The following PGS1 variants were observed in gnomAD, a reference collection of about 807,000 sequenced individuals.
PGS1 encodes phosphatidylglycerophosphate synthase 1.
A neutral mutation model predicts 58.3 loss-of-function variants in PGS1; 44 were observed. That is an observed-to-expected ratio of 0.75 (90% CI 0.59 to 0.97). The LOEUF is 0.97. Ranked by LOEUF, PGS1 falls within the 50% of genes least tolerant of loss-of-function variation. The pLI, the probability that PGS1 is intolerant of heterozygous loss-of-function variation, is 0.00. For synonymous variants in PGS1, 330 were observed against 311.0 expected, an observed-to-expected ratio of 1.06 and a Z score of -0.64; for missense variants, 684 against 731.1, an observed-to-expected ratio of 0.94 and a Z score of 0.74.
intron 7 of PGS1, among the ~76,000 whole-genome samples, chr17:78,407,706 C>G (rs917283224): frequency 6.6e-6 from 1 of 152,264 alleles, no homozygotes; most frequent in East Asian, 1.9e-4. Context: ...GATTCTAGAT[C>G]CTTGCCCCTC....
At chr17:78,419,072 G>C (rs72921261) in intron 8 of PGS1, among the ~76,000 whole-genome samples, 24,623 of 151,782 alleles carry the variant, frequency 0.16, 2,108 homozygotes, top group Middle Eastern at 0.2. Context: ...TGCAGTGGCA[G>C]CATCACAGCT....
At chr17:78,399,669 C>T (rs12450500) in intron 5 of PGS1, 132 bp downstream of exon 5, 492,683 of 814,268 alleles carry the variant, frequency 0.61, 150,198 homozygotes, top group Middle Eastern at 0.69. Flanking sequence ...GCTGTGCACC[C>T]GCGGCACCTC....
At chr17:78,422,684 T>TA (rs1458563719) in intron 9 of PGS1, among the ~76,000 whole-genome samples, 7 of 152,032 alleles carry the variant, frequency 4.6e-5, no homozygotes, top group Admixed American at 2.0e-4. Context: ...TTTTGATTGA[T>TA]AGAGATGGTT....
At chr17:78,404,633 G>T (rs1300339996) in intron 7 of PGS1, among the ~76,000 whole-genome samples, 4 of 152,070 alleles carry the variant, frequency 2.6e-5, no homozygotes, top group Admixed American at 2.6e-4. Flanking sequence ...AAGATGTGGT[G>T]ACATAACCTC....
intron 7 of PGS1, among the ~76,000 whole-genome samples, chr17:78,410,097 C>T (rs996535305): frequency 4.8e-5 from 7 of 145,360 alleles, no homozygotes; most frequent in South Asian, 2.3e-4. Context: ...GGTGAGACTC[C>T]GTCTCAAAAA....
chr17:78,391,033 C>T (rs2082787010), intron 1 of PGS1, among the ~76,000 whole-genome samples: 1 of 152,048 alleles, frequency 6.6e-6, no homozygotes, highest in Admixed American at 6.5e-5. Context: ...CTCCGCCTCC[C>T]AGGTTTAAGC....
At chr17:78,420,609 ATC>A (rs1234044989) in intron 9 of PGS1, 1 of 152,236 alleles carries the variant, frequency 6.6e-6, no homozygotes, top group Non-Finnish European at 1.5e-5. Context: ...TAGTGCCGGC[ATC>A]TCATGTGTGC....
intron 1 of PGS1, among the ~76,000 whole-genome samples, chr17:78,390,443 C>T (rs751728769): frequency 6.6e-6 from 1 of 152,166 alleles, no homozygotes; most frequent in Non-Finnish European, 1.5e-5. Context: ...GGCAGTGAAT[C>T]GGCAGTGACA....
chr17:78,423,706 C>T, intron 9 of PGS1: 1 of 636,668 alleles, frequency 1.6e-6, no homozygotes, highest in South Asian at 2.0e-5. Flanking sequence ...CTGAGTGGCT[C>T]CACTGGCTTT....
In PGS1 at chr17:78,395,703, C is replaced by T. The variant is rs554512097; in HGVS notation, c.334-605C>T. On this transcript the variant is annotated intron_variant, in intron 2 of 9. Coordinates refer to ENST00000262764, the MANE Select transcript of PGS1 (RefSeq NM_024419.5). ...ATCTATGTTTCAAGAGTGATTCGTG[C>T]CCAGTATGGACATTGGAAACTGCAG... is the stretch of plus-strand genomic sequence containing the variant. 3.9e-5 allele frequency among the ~76,000 whole-genome samples: 6 copies of T among 152,276 alleles called. No individual in the cohort carries two copies. The South Asian group carries it at 1.2e-3, about 32-fold the overall frequency.
intron 9 of PGS1, among the ~76,000 whole-genome samples, chr17:78,422,657 C>T (rs974535118): frequency 7.2e-5 from 11 of 152,124 alleles, no homozygotes; most frequent in Non-Finnish European, 1.2e-4. Context: ...ACAACATTCC[C>T]AGCTAATTTT....
intron 7 of PGS1, among the ~76,000 whole-genome samples, chr17:78,407,776 G>A (rs1319164592): frequency 2.6e-5 from 4 of 152,354 alleles, no homozygotes; most frequent in African/African-American, 7.2e-5. Context: ...GAGGCTTCAC[G>A]GAGTGACTGT....
intron 4 of PGS1, among the ~76,000 whole-genome samples, chr17:78,399,068 A>G (rs2083456039): frequency 6.6e-6 from 1 of 152,218 alleles, no homozygotes; most frequent in Non-Finnish European, 1.5e-5. Flanking sequence ...GTAGTGCCCC[A>G]GGAGAAGGTT....
intron 5 of PGS1, 129 bp downstream of exon 5, chr17:78,399,666 A>C (rs1598309406): frequency 2.4e-6 from 2 of 844,442 alleles, no homozygotes; most frequent in South Asian, 1.7e-5. Context: ...GCTGCTGTGC[A>C]CCCGCGGCAC....
intron 1 of PGS1, among the ~76,000 whole-genome samples, chr17:78,381,425 A>G (rs1555624749): frequency 6.6e-6 from 1 of 152,180 alleles, no homozygotes; most frequent in Non-Finnish European, 1.5e-5. Flanking sequence ...GTGGTAGTGT[A>G]GGTTTCTGAG....
At chr17:78,379,642 AT>A (rs758758605) in intron 1 of PGS1, among the ~76,000 whole-genome samples, 107 of 152,022 alleles carry the variant, frequency 7.0e-4, no homozygotes, top group Non-Finnish European at 1.4e-3. Context: ...CCTGACCAAC[AT>A]GGTGAAACCG....
At position 78,403,768 on chromosome 17, in the gene PGS1, G is replaced by A. The variant is rs748622296; in HGVS notation, c.1081G>A (p.Glu361Lys). 28 of 1,614,206 alleles carry A rather than the reference G, an allele frequency of 1.7e-5. No individual in the cohort carries two copies. Among genetic ancestry groups the A allele is most frequent in the Admixed American group, 3.3e-5 (2 of 60,026 alleles). The change falls in exon 7 of 10, where the codon GAG (glutamate) becomes AAG (lysine). Residue 361 changes from glutamate (E) to lysine (K), a missense_variant. Glu to Lys is a moderately conservative substitution (Grantham distance 56). Transcript: ENST00000262764. ...IYPLIQMKPF[E>K]IQIDEIVTET... ...TCCGCTGATTCAGATGAAGCCCTTC[G>A]AGATTCAAATCGATGAGATTGTCAC...
intron 4 of PGS1, among the ~76,000 whole-genome samples, chr17:78,398,699 T>C (rs1255562226): frequency 6.6e-6 from 1 of 152,080 alleles, no homozygotes; most frequent in Admixed American, 6.6e-5. Flanking sequence ...CAAAAAGACT[T>C]TTTGTGGACT....
intron 1 of PGS1, among the ~76,000 whole-genome samples, 192 bp from the exon 2 acceptor site, chr17:78,392,284 C>T (rs2082890329): frequency 6.6e-6 from 1 of 152,150 alleles, no homozygotes; most frequent in Non-Finnish European, 1.5e-5. Flanking sequence ...GGAAAGGGGG[C>T]TGAAGGAAAA....
Sources: gnomAD v4.1 joint callset for allele counts (sites outside exome capture counted in the v4.1 genomes callset) on GRCh38, gnomAD v4.1.1 for gene constraint, MANE v1.5 for transcripts, NCBI Gene and HGNC (gene_info 2026-07-23, HGNC 2026-07-21) for gene names.